Variants in MYO7A observed in about 807,000 individuals in gnomAD.
The protein encoded by MYO7A is unconventional myosin-VIIa.
Under a neutral mutation model 263.8 loss-of-function variants are expected in MYO7A, and 210 were observed. That is an observed-to-expected ratio of 0.80 (90% CI 0.71 to 0.89). MYO7A has a LOEUF of 0.89. Among genes scored for constraint, MYO7A ranks in the 40% least tolerant of loss-of-function variants. MYO7A has a pLI of 0.00. For missense variants in MYO7A, 2,820 were observed against 2,968.3 expected, an observed-to-expected ratio of 0.95 and a Z score of 1.16; for synonymous variants, 1,239 against 1,197.3, an observed-to-expected ratio of 1.03 and a Z score of -0.72.
chr11:77,199,317 G>T (rs1223447611), intron 34 of MYO7A, among the ~76,000 whole-genome samples: 1 of 152,212 alleles, frequency 6.6e-6, no homozygotes, highest in East Asian at 1.9e-4. Flanking sequence ...AGGGCAGGGA[G>T]GACTTCCTGG....
At chr11:77,208,088 A>C (rs554107634) in intron 42 of MYO7A, among the ~76,000 whole-genome samples, 8 of 152,278 alleles carry the variant, frequency 5.3e-5, no homozygotes, top group African/African-American at 1.9e-4. Flanking sequence ...GAGGTCCTAG[A>C]CCCAGGGGAG....
intron 2 of MYO7A, among the ~76,000 whole-genome samples, chr11:77,131,788 C>T (rs1327323966): frequency 2.0e-5 from 3 of 152,202 alleles, no homozygotes; most frequent in Non-Finnish European, 4.4e-5. Context: ...GCCTGTTCTG[C>T]CTGCCCTCAA....
At chr11:77,169,470 A>T (rs1418413987) in intron 15 of MYO7A, among the ~76,000 whole-genome samples, 1 of 152,084 alleles carries the variant, frequency 6.6e-6, no homozygotes, top group African/African-American at 2.4e-5. Flanking sequence ...AGCCCCTTTC[A>T]TGTCACGCTC....
Position 77,194,379 on chromosome 11 carries a change from C to A in MYO7A, c.4178C>A (p.Ser1393Tyr). Residue 1393 changes from serine (S) to tyrosine (Y), a missense_variant, in exon 32 of 49, where the codon TCC (serine) becomes TAC (tyrosine). Transcript: ENST00000409709. ...GAGGACGACCTGGCTGAGCTGGCCT[C>A]CCAGCAGTACTTTGTAGACTATGGC... ...EKEDDLAELA[S>Y]QQYFVDYGSE... 1 of 1,612,614 alleles carries A rather than the reference C, an allele frequency of 6.2e-7. No individual in the cohort carries two copies. Among genetic ancestry groups the A allele is most frequent in the Non-Finnish European group, 8.5e-7 (1 of 1,179,346 alleles).
intron 27 of MYO7A, among the ~76,000 whole-genome samples, chr11:77,188,485 A>T (rs1555089591): frequency 6.6e-6 from 1 of 152,018 alleles, no homozygotes. Flanking sequence ...TGAATTAGGT[A>T]ATCCCAGCCA....
chr11:77,214,687 C>A lies in MYO7A; in HGVS notation c.6639C>A (p.Ser2213Arg). The A allele has an allele frequency of 6.3e-7, 1 of 1,576,962 alleles. No homozygotes were observed. Among genetic ancestry groups the A allele is most frequent in the Non-Finnish European group, 8.6e-7 (1 of 1,161,048 alleles). Residue 2213 changes from serine to arginine, a missense_variant, in exon 49 of 49, where the codon AGC becomes AGA. Coordinates refer to ENST00000409709, the MANE Select transcript of MYO7A (RefSeq NM_000260.4). ...TGAGCAAACAGCGGGGCTCCAGGAG[C>A]GGCAAGTGAACAGTCACGGGGAGGT... ...TAMSKQRGSR[S>R]GK
chr11:77,194,227 C>G, intron 31 of MYO7A, 127 bp from the exon 32 acceptor site: 3 of 1,131,258 alleles, frequency 2.7e-6, no homozygotes, highest in Non-Finnish European at 3.9e-6. Context: ...AAGCCTGGGT[C>G]CCAAAGGCCA....
At chr11:77,188,405 A>G (rs1555089536) in intron 27 of MYO7A, among the ~76,000 whole-genome samples, 1 of 152,256 alleles carries the variant, frequency 6.6e-6, no homozygotes, top group African/African-American at 2.4e-5. Context: ...GTTCTCATTT[A>G]TCATGATAAA....
chr11:77,207,419 C>G lies in MYO7A; in HGVS notation c.5856+17C>G, dbSNP rs1454624765. The G allele has an allele frequency of 6.5e-7, 1 of 1,547,970 alleles. No individual in the cohort carries two copies. Among genetic ancestry groups the G allele is most frequent in the Admixed American group, 1.8e-5 (1 of 56,132 alleles). ...GCAGACAAGGTGGGTCCTTTGCCAC[C>G]TTCGCCAAGGTGGGAGATTTGCTGG... On this transcript the variant is annotated intron_variant, in intron 42 of 48. Coordinates refer to ENST00000409709, the MANE Select transcript of MYO7A (RefSeq NM_000260.4).
chr11:77,172,222 G>A (rs571380305), intron 15 of MYO7A, among the ~76,000 whole-genome samples: 41 of 152,364 alleles, frequency 2.7e-4, no homozygotes, highest in African/African-American at 9.9e-4. Context: ...CAGATGGATA[G>A]ATGGCATCAC....
chr11:77,191,924 G>T (rs1956109387), intron 30 of MYO7A, 127 bp from the exon 31 acceptor site: 2 of 750,022 alleles, frequency 2.7e-6, no homozygotes, highest in South Asian at 3.6e-5. Context: ...CCTCCTGGGG[G>T]CCTTGGACGT....
chr11:77,130,829 A>T (rs966131676), intron 2 of MYO7A, among the ~76,000 whole-genome samples, 177 bp downstream of exon 2: 1 of 152,216 alleles, frequency 6.6e-6, no homozygotes, highest in Admixed American at 6.5e-5. Context: ...CTGCTGTGCC[A>T]GCTGGGGTTT....
chr11:77,180,366 TC>T lies in MYO7A; in HGVS notation c.2587-5del. 2.5e-6 allele frequency: 4 copies of T among 1,610,982 alleles called. No homozygotes were observed. Among genetic ancestry groups the T allele is most frequent in the Non-Finnish European group, 3.4e-6 (4 of 1,178,910 alleles). On this transcript the variant is annotated splice_polypyrimidine_tract_variant and splice_region_variant and intron_variant, in intron 21 of 48. Coordinates refer to ENST00000409709, the MANE Select transcript of MYO7A (RefSeq NM_000260.4). Reference sequence around the variant, plus strand: ...TTTCCATGCCCTCTGGATGCCCCCTTCCCTCAGTATCTGTGGCGCCTCGAGG... The same window carrying T: ...TTTCCATGCCCTCTGGATGCCCCCTTCCTCAGTATCTGTGGCGCCTCGAGG...
chr11:77,214,811 G>A lies in MYO7A; in HGVS notation c.*115G>A, dbSNP rs986964276. The A allele has an allele frequency of 9.3e-6, 8 of 857,680 alleles. No individual in the cohort carries two copies. The South Asian group carries it at 1.4e-4, about 15-fold the overall frequency. The allele number at this position is 857,680 out of a possible 1,614,324, so 53.1% of individuals were successfully genotyped here. Reference sequence around the variant, plus strand: ...TATGCCATCCCGGCAGCGAGGCTGGGCTGGCCAGCCACCACTGACTATACC... The same window carrying A: ...TATGCCATCCCGGCAGCGAGGCTGGACTGGCCAGCCACCACTGACTATACC... On this transcript the variant is annotated 3_prime_UTR_variant, in exon 49 of 49. Transcript: ENST00000409709.
intron 22 of MYO7A, 121 bp downstream of exon 22, chr11:77,180,602 A>G: frequency 3.7e-6 from 3 of 809,550 alleles, no homozygotes; most frequent in Non-Finnish European, 3.9e-6. Context: ...GAATGGCCAC[A>G]CTAGACCCAC....
intron 2 of MYO7A, among the ~76,000 whole-genome samples, chr11:77,134,638 T>C (rs781800796): frequency 3.9e-5 from 6 of 151,904 alleles, no homozygotes; most frequent in Non-Finnish European, 8.8e-5. Context: ...TGGTTAAATA[T>C]GACTTTTCTA....
intron 34 of MYO7A, 114 bp from the exon 35 acceptor site, chr11:77,199,421 C>A (rs879604080): frequency 8.5e-7 from 1 of 1,172,092 alleles, no homozygotes; most frequent in Non-Finnish European, 1.1e-6. Context: ...TCCCTCTGGG[C>A]CATGCCTGAC....
At chr11:77,171,173 G>A (rs115376118) in intron 15 of MYO7A, among the ~76,000 whole-genome samples, 6 of 152,216 alleles carry the variant, frequency 3.9e-5, no homozygotes, top group Admixed American at 1.3e-4. Flanking sequence ...GTGCGTGCGC[G>A]TGTGTGTACA....
chr11:77,191,031 C>T (rs561406534), intron 30 of MYO7A, 161 bp downstream of exon 30: 10 of 814,958 alleles, frequency 1.2e-5, no homozygotes, highest in East Asian at 2.8e-5. Context: ...TCAGGACTGC[C>T]GAGAACTCGG....
Sources: gnomAD v4.1 joint callset for allele counts (sites outside exome capture counted in the v4.1 genomes callset) on GRCh38, gnomAD v4.1.1 for gene constraint, MANE v1.5 for transcripts, NCBI Gene and HGNC (gene_info 2026-07-23, HGNC 2026-07-21) for gene names.